The following GABBR2 variants were observed in gnomAD, a reference collection of about 807,000 sequenced individuals.
GABBR2 encodes the protein gamma-aminobutyric acid type B receptor subunit 2, also known as G-protein coupled receptor 51.
In GABBR2, 23 loss-of-function variants were observed where a neutral mutation model predicts 105.6. The ratio of observed to expected loss-of-function variants is 0.22; its 90% CI spans 0.16 to 0.31. The LOEUF (loss-of-function observed/expected upper bound fraction) is 0.31, where lower values mean the gene tolerates loss of function less well. Among genes scored for constraint, GABBR2 ranks in the 10% least tolerant of loss-of-function variants. The pLI, the probability that GABBR2 is intolerant of heterozygous loss-of-function variation, is 1.00. For missense variants in GABBR2, 734 were observed against 1,245.5 expected (o/e 0.59, Z 6.18); for synonymous variants, 478 against 499.7 (o/e 0.96, Z 0.58).
chr9:98,579,592 C>T (rs573703328), intron 1 of GABBR2, among the ~76,000 whole-genome samples: 2 of 152,200 alleles, frequency 1.3e-5, no homozygotes, highest in South Asian at 2.1e-4. Flanking sequence ...ACCCAAACTC[C>T]TATCACAATA....
intron 2 of GABBR2, among the ~76,000 whole-genome samples, chr9:98,561,078 C>T (rs1828667847): frequency 6.6e-6 from 1 of 151,932 alleles, no homozygotes; most frequent in Admixed American, 6.6e-5. Context: ...AATATTCACG[C>T]CTTGCTTTTG....
intron 7 of GABBR2, among the ~76,000 whole-genome samples, chr9:98,436,286 T>TATATATATATCCATAA (rs1388134194): frequency 2.0e-5 from 2 of 99,386 alleles, no homozygotes; most frequent in African/African-American, 8.4e-5. Flanking sequence ...CAACCATATA[T>TATATATATATCCATAA]ATATATATAT....
Position 98,288,493 on chromosome 9 carries a change from TTTTG to T in GABBR2, c.*2087_*2090del, listed in dbSNP as rs1006641273. 2.3e-4 allele frequency: 35 copies of T among 152,754 alleles called. No homozygotes were observed. The highest frequency in any genetic ancestry group is 7.9e-4 in the African/African-American group (33 of 41,568). The allele number at this position is 152,754 out of a possible 1,614,324, so 9.5% of individuals were successfully genotyped here. On this transcript the variant is annotated 3_prime_UTR_variant, in exon 19 of 19. Transcript: ENST00000259455. Reference sequence around the variant, plus strand: ...AGGCTCACCTCCGACAGTCCAATACTTTTGTTTGTTTTCCTGCTATGCTGGAATA... The same window carrying T: ...AGGCTCACCTCCGACAGTCCAATACTTTTGTTTTCCTGCTATGCTGGAATA...
At chr9:98,652,234 T>C (rs370012587) in intron 1 of GABBR2, among the ~76,000 whole-genome samples, 46 of 152,306 alleles carry the variant, frequency 3.0e-4, no homozygotes, top group African/African-American at 1.1e-3. Flanking sequence ...GTTAATTCCA[T>C]TGAATTCCAG....
chr9:98,636,274 T>C (rs373500665), intron 1 of GABBR2, among the ~76,000 whole-genome samples: 41 of 152,138 alleles, frequency 2.7e-4, no homozygotes, highest in African/African-American at 8.4e-4. Flanking sequence ...GGCAGAGCAG[T>C]GGCTTCTGGG....
At chr9:98,450,047 C>T (rs1241695020) in intron 7 of GABBR2, among the ~76,000 whole-genome samples, 1 of 152,162 alleles carries the variant, frequency 6.6e-6, no homozygotes, top group African/African-American at 2.4e-5. Context: ...GGACCACTGG[C>T]CCAGCTCCCG....
At chr9:98,481,083 C>T in intron 4 of GABBR2, 86 bp from the exon 5 acceptor site, 1 of 832,836 alleles carries the variant, frequency 1.2e-6, no homozygotes, top group Non-Finnish European at 2.1e-6. Flanking sequence ...AACATTCCTT[C>T]ACCTCTGGCT....
chr9:98,437,670 C>T (rs1825950322), intron 7 of GABBR2, among the ~76,000 whole-genome samples: 1 of 151,524 alleles, frequency 6.6e-6, no homozygotes, highest in African/African-American at 2.4e-5. Flanking sequence ...ACACATCCAT[C>T]TGTGCATATA....
At chr9:98,448,073 C>T (rs1386406465) in intron 7 of GABBR2, among the ~76,000 whole-genome samples, 2 of 152,048 alleles carry the variant, frequency 1.3e-5, no homozygotes, top group East Asian at 3.9e-4. Context: ...CCAGCCTGTC[C>T]TGACAGAGGT....
intron 11 of GABBR2, 107 bp downstream of exon 11, chr9:98,385,533 G>T: frequency 2.2e-6 from 2 of 892,222 alleles, no homozygotes; most frequent in Non-Finnish European, 3.7e-6. Context: ...TTCCCTGCCT[G>T]TTCATGTATT....
chr9:98,511,120 T>C (rs1314754714), intron 3 of GABBR2, among the ~76,000 whole-genome samples: 1 of 152,068 alleles, frequency 6.6e-6, no homozygotes, highest in South Asian at 2.1e-4. Context: ...ACTGCACAAC[T>C]ACATGGAAAC....
chr9:98,573,288 AT>A (rs1225549352), intron 2 of GABBR2, among the ~76,000 whole-genome samples: 1 of 152,030 alleles, frequency 6.6e-6, no homozygotes, highest in African/African-American at 2.4e-5. Context: ...AACACTTATT[AT>A]TTTTTTTAAT....
intron 13 of GABBR2, among the ~76,000 whole-genome samples, chr9:98,355,477 TA>T (rs1831468421): frequency 6.6e-6 from 1 of 152,164 alleles, no homozygotes; most frequent in Non-Finnish European, 1.5e-5. Flanking sequence ...CCATTTACAT[TA>T]GCACCCAAAT....
intron 13 of GABBR2, among the ~76,000 whole-genome samples, chr9:98,352,306 G>A (rs1831412879): frequency 6.6e-6 from 1 of 152,174 alleles, no homozygotes; most frequent in Admixed American, 6.5e-5. Context: ...AGTGTCAATG[G>A]TGGGCCTAGG....
chr9:98,447,063 C>CTT (rs369338702), intron 7 of GABBR2, among the ~76,000 whole-genome samples: 4 of 116,336 alleles, frequency 3.4e-5, no homozygotes, highest in Admixed American at 9.0e-5. Flanking sequence ...AAAAAGACTT[C>CTT]TTTTTTTTTT....
chr9:98,505,166 A>G (rs570273830), intron 3 of GABBR2, among the ~76,000 whole-genome samples: 1 of 152,352 alleles, frequency 6.6e-6, no homozygotes, highest in South Asian at 2.1e-4. Context: ...TATGCTTAAA[A>G]ACTTATCCAT....
At chr9:98,680,164 G>C (rs904136438) in intron 1 of GABBR2, among the ~76,000 whole-genome samples, 3 of 151,982 alleles carry the variant, frequency 2.0e-5, no homozygotes, top group Non-Finnish European at 4.4e-5. Flanking sequence ...TATGAAACAG[G>C]TAAGAATAAA....
chr9:98,660,570 A>G (rs1166980349), intron 1 of GABBR2, among the ~76,000 whole-genome samples: 2 of 152,224 alleles, frequency 1.3e-5, no homozygotes, highest in East Asian at 3.8e-4. Flanking sequence ...TGCTACTATA[A>G]CAAATCACCA....
At chr9:98,353,628 G>A (rs540851069) in intron 13 of GABBR2, among the ~76,000 whole-genome samples, 7 of 152,170 alleles carry the variant, frequency 4.6e-5, no homozygotes, top group Non-Finnish European at 1.0e-4. Flanking sequence ...CTGCAGAATG[G>A]ATATTGTGTT....
Sources: gnomAD v4.1 joint callset for allele counts (sites outside exome capture counted in the v4.1 genomes callset) on GRCh38, gnomAD v4.1.1 for gene constraint, MANE v1.5 for transcripts, NCBI Gene and HGNC (gene_info 2026-07-23, HGNC 2026-07-21) for gene names.